Variants in LY96 observed in about 807,000 individuals in gnomAD.
LY96 encodes myeloid differentiation protein-2.
A neutral mutation model predicts 18.9 loss-of-function variants in LY96; 18 were observed. The observed-to-expected ratio is 0.95, with a 90% CI of 0.66 to 1.41. The LOEUF (loss-of-function observed/expected upper bound fraction) is 1.41. Ranked by LOEUF, LY96 falls within the 40% of genes most tolerant of loss-of-function variation. The pLI is 0.00. For synonymous variants in LY96, 66 were observed against 62.6 expected (o/e 1.06, Z -0.26); for missense variants, 175 against 182.4 (o/e 0.96, Z 0.23).
chr8:74,027,195 C>T (rs1166630136), intron 4 of LY96, among the ~76,000 whole-genome samples: 6 of 151,950 alleles, frequency 3.9e-5, no homozygotes, highest in African/African-American at 1.5e-4. Context: ...TCCGCTTAGC[C>T]TCCCAAAGTG....
chr8:74,018,274 T>C (rs188764600), intron 3 of LY96, among the ~76,000 whole-genome samples: 104 of 152,198 alleles, frequency 6.8e-4, no homozygotes, highest in Non-Finnish European at 1.3e-3. Flanking sequence ...GTTGCAATCC[T>C]AGTCTCTGAT....
At chr8:74,017,639 G>A (rs1192881272) in intron 3 of LY96, among the ~76,000 whole-genome samples, 1 of 152,126 alleles carries the variant, frequency 6.6e-6, no homozygotes, top group African/African-American at 2.4e-5. Context: ...AAATGTTAAG[G>A]GCAGCCAGAG....
chr8:73,993,012 A>G (rs1446759717), intron 1 of LY96, among the ~76,000 whole-genome samples: 1 of 145,988 alleles, frequency 6.8e-6, no homozygotes, highest in Admixed American at 6.8e-5. Flanking sequence ...GCGCCACCAC[A>G]CCCGGCTAAT....
the LY96 span, among the ~76,000 whole-genome samples, chr8:74,062,544 C>T: frequency 3.9e-5 from 6 of 152,112 alleles, no homozygotes; most frequent in African/African-American, 1.2e-4. Context: ...TGGCTTCCAG[C>T]TTCATCCATG....
the LY96 span, chr8:74,055,807 A>T: frequency 6.6e-6 from 1 of 152,304 alleles, no homozygotes; most frequent in Non-Finnish European, 1.5e-5. Flanking sequence ...TTGCGTCAGC[A>T]CTGCCGGCCC....
chr8:73,997,917 C>T (rs1487830011), intron 1 of LY96, among the ~76,000 whole-genome samples: 5 of 152,196 alleles, frequency 3.3e-5, no homozygotes, highest in Admixed American at 3.3e-4. Context: ...CCTAGCATCT[C>T]CATGTGTTCA....
the LY96 span, among the ~76,000 whole-genome samples, chr8:74,073,304 T>C: frequency 1.3e-5 from 2 of 152,078 alleles, no homozygotes; most frequent in African/African-American, 4.8e-5. Flanking sequence ...ATCAGGTGAG[T>C]CAGTAGATCA....
intron 3 of LY96, among the ~76,000 whole-genome samples, chr8:74,021,848 A>G (rs1816768129): frequency 6.6e-6 from 1 of 151,666 alleles, no homozygotes; most frequent in African/African-American, 2.4e-5. Flanking sequence ...GCATATTCTC[A>G]CTCATAGGTG....
chr8:74,085,548 G>A, the LY96 span, among the ~76,000 whole-genome samples: 4 of 152,144 alleles, frequency 2.6e-5, no homozygotes, highest in African/African-American at 9.7e-5. Context: ...CTCTGCCACT[G>A]CAGCAATAGT....
chr8:73,996,372 C>CCTTCCTTT (rs1816135382), intron 1 of LY96, among the ~76,000 whole-genome samples: 137 of 110,976 alleles, frequency 1.2e-3, no homozygotes, highest in Non-Finnish European at 1.8e-3. Context: ...TTCCTTCATT[C>CCTTCCTTT]CTTTCTTTCT....
At chr8:74,053,393 T>C in the LY96 span, among the ~76,000 whole-genome samples, 4 of 152,240 alleles carry the variant, frequency 2.6e-5, no homozygotes, top group Non-Finnish European at 5.9e-5. Context: ...AGCAAGTCAT[T>C]GCATTGAAGC....
intron 1 of LY96, among the ~76,000 whole-genome samples, chr8:74,000,986 G>A (rs762136240): frequency 6.6e-6 from 1 of 152,160 alleles, no homozygotes; most frequent in African/African-American, 2.4e-5. Flanking sequence ...CACAAGGGCA[G>A]AGCCCTCATG....
intron 1 of LY96, among the ~76,000 whole-genome samples, chr8:73,994,714 T>G (rs957771356): frequency 6.6e-6 from 1 of 152,194 alleles, no homozygotes; most frequent in African/African-American, 2.4e-5. Flanking sequence ...TTTGAACTCC[T>G]GGTCTCAAGC....
At chr8:74,096,848 C>T in the LY96 span, among the ~76,000 whole-genome samples, 2,188 of 152,200 alleles carry the variant, frequency 0.014, 59 homozygotes, top group African/African-American at 0.05. Context: ...TCTCTCAAGC[C>T]TTTGATCGGG....
chr8:74,015,940 T>A (rs886577326), intron 3 of LY96, among the ~76,000 whole-genome samples: 1 of 151,936 alleles, frequency 6.6e-6, no homozygotes, highest in Non-Finnish European at 1.5e-5. Flanking sequence ...GCTCCCAGCG[T>A]GATCGACACA....
chr8:74,080,989 T>A, the LY96 span, among the ~76,000 whole-genome samples: 1 of 44,254 alleles, frequency 2.3e-5, no homozygotes, highest in African/African-American at 1.1e-4. Context: ...TCTCTCTCTT[T>A]CTTTCTTTCT....
At chr8:74,084,044 G>A in the LY96 span, among the ~76,000 whole-genome samples, 1 of 147,202 alleles carries the variant, frequency 6.8e-6, no homozygotes, top group Non-Finnish European at 1.5e-5. Context: ...TTGTTTCGTT[G>A]CAATTTATTT....
chr8:74,089,806 G>A, the LY96 span, among the ~76,000 whole-genome samples: 4 of 152,276 alleles, frequency 2.6e-5, no homozygotes, highest in African/African-American at 9.6e-5. Context: ...TTTCAGGAAA[G>A]GTGGTCAAGA....
intron 1 of LY96, among the ~76,000 whole-genome samples, chr8:73,995,101 T>C (rs1484562034): frequency 6.6e-6 from 1 of 152,178 alleles, no homozygotes; most frequent in East Asian, 1.9e-4. Context: ...GAGTTTCTCA[T>C]AAAAAGACAA....
Sources: allele counts gnomAD v4.1 joint callset (sites outside exome capture counted in the v4.1 genomes callset), GRCh38; gene constraint gnomAD v4.1.1; transcripts MANE v1.5; gene names NCBI Gene and HGNC (gene_info 2026-07-23, HGNC 2026-07-21).